Variants in ZNF521 observed in about 807,000 individuals in gnomAD.
The protein encoded by ZNF521 is zinc finger protein 521.
ZNF521 carries 14 observed loss-of-function variants against 105.5 expected under a neutral mutation model. The observed-to-expected ratio is 0.13, with a 90% CI of 0.09 to 0.21. The LOEUF is 0.21. Ranked by LOEUF, ZNF521 falls within the 10% of genes least tolerant of loss-of-function variation. The pLI, the probability that ZNF521 is intolerant of heterozygous loss-of-function variation, is 1.00. For missense variants in ZNF521, 1,233 were observed against 1,629.7 expected, an observed-to-expected ratio of 0.76 and a Z score of 4.19; for synonymous variants, 635 against 606.0, an observed-to-expected ratio of 1.05 and a Z score of -0.70.
chr18:25,337,541 C>T (rs1193044361), intron 2 of ZNF521, among the ~76,000 whole-genome samples: 1 of 152,132 alleles, frequency 6.6e-6, no homozygotes, highest in African/African-American at 2.4e-5. Context: ...GCTCAATCTA[C>T]CTCATAATTA....
At position 25,224,457 on chromosome 18, in the gene ZNF521, T is replaced by C. The variant is rs1178025972; in HGVS notation, c.3461A>G (p.Gln1154Arg). 150 of 1,613,732 alleles carry C rather than the reference T, an allele frequency of 9.3e-5. No individual in the cohort carries two copies. The highest frequency in any genetic ancestry group is 1.3e-4 in the Non-Finnish European group (149 of 1,179,938). Reference sequence around the variant, plus strand: ...TCGGTGGATGGTTTGGATGTGGTTCTGGAGTTCACTTTCAGACTCAAACTT... The same window carrying C: ...TCGGTGGATGGTTTGGATGTGGTTCCGGAGTTCACTTTCAGACTCAAACTT... Reference protein sequence around the residue: ...NVKFESESELQNHIQTIHREL... With the variant: ...NVKFESESELRNHIQTIHREL... The change falls in exon 4 of 8, where the codon CAG (glutamine) becomes CGG (arginine). Residue 1154 changes from glutamine to arginine, a missense_variant. By Grantham distance (43) the Gln-to-Arg change is conservative (BLOSUM62 1). Transcript: ENST00000361524.
intron 2 of ZNF521, among the ~76,000 whole-genome samples, chr18:25,336,093 T>G (rs538210646): frequency 6.6e-6 from 1 of 152,098 alleles, no homozygotes; most frequent in Non-Finnish European, 1.5e-5. Flanking sequence ...CAAATAAAAT[T>G]AAAGCACCGG....
intron 5 of ZNF521, among the ~76,000 whole-genome samples, chr18:25,097,845 G>A (rs1162047800): frequency 6.6e-6 from 1 of 152,166 alleles, no homozygotes; most frequent in African/African-American, 2.4e-5. Context: ...AATGCTTTTG[G>A]ACTTTATAAG....
At chr18:25,240,771 C>T (rs568487848) in intron 3 of ZNF521, among the ~76,000 whole-genome samples, 10 of 152,040 alleles carry the variant, frequency 6.6e-5, no homozygotes, top group African/African-American at 2.4e-4. Context: ...ATAGAGGGTA[C>T]AGGCTGGGTT....
chr18:25,213,966 A>G (rs1398718842), intron 4 of ZNF521, among the ~76,000 whole-genome samples: 1 of 151,970 alleles, frequency 6.6e-6, no homozygotes, highest in Non-Finnish European at 1.5e-5. Context: ...TTTTTGTAAA[A>G]TTTTAATTGG....
At chr18:25,092,149 T>C in intron 5 of ZNF521, 68 bp from the exon 6 acceptor site, 2 of 1,572,208 alleles carry the variant, frequency 1.3e-6, no homozygotes, top group Non-Finnish European at 1.7e-6. Context: ...TAGAGAGTTA[T>C]CTTTAATTGC....
chr18:25,154,365 T>C (rs2035104524), intron 5 of ZNF521, among the ~76,000 whole-genome samples: 1 of 152,170 alleles, frequency 6.6e-6, no homozygotes. Context: ...TGACATGAAA[T>C]GTGGACAAAA....
At chr18:25,287,186 G>A (rs566439051) in intron 3 of ZNF521, among the ~76,000 whole-genome samples, 1 of 152,294 alleles carries the variant, frequency 6.6e-6, no homozygotes, top group South Asian at 2.1e-4. Flanking sequence ...ACACTCCTGG[G>A]GGGCCTGGTC....
intron 5 of ZNF521, among the ~76,000 whole-genome samples, chr18:25,161,291 C>T (rs1402931117): frequency 6.6e-6 from 1 of 152,070 alleles, no homozygotes; most frequent in African/African-American, 2.4e-5. Flanking sequence ...TTTCCTTCAA[C>T]ATGAAGGATT....
intron 3 of ZNF521, chr18:25,231,342 G>C (rs1204272421): frequency 1.3e-5 from 2 of 152,288 alleles, no homozygotes; most frequent in Non-Finnish European, 2.9e-5. Flanking sequence ...AGGACAGCTG[G>C]AAACTCAGTT....
intron 7 of ZNF521, among the ~76,000 whole-genome samples, chr18:25,075,357 G>A (rs1214839328): frequency 6.6e-6 from 1 of 152,244 alleles, no homozygotes; most frequent in Non-Finnish European, 1.5e-5. Flanking sequence ...CCAGAGAGTT[G>A]TTAGCTCAGA....
intron 5 of ZNF521, among the ~76,000 whole-genome samples, chr18:25,142,390 C>A (rs914645389): frequency 6.6e-6 from 1 of 152,022 alleles, no homozygotes; most frequent in African/African-American, 2.4e-5. Context: ...TGTCTAGATT[C>A]AAAAATGGCT....
chr18:25,066,016 T>C (rs1251180460), intron 7 of ZNF521, among the ~76,000 whole-genome samples: 3 of 152,068 alleles, frequency 2.0e-5, no homozygotes, highest in Non-Finnish European at 4.4e-5. Flanking sequence ...GCTTGTGAAA[T>C]TCAAAAATAA....
chr18:25,195,046 G>A (rs890109775), intron 5 of ZNF521, 114 bp downstream of exon 5: 13 of 846,452 alleles, frequency 1.5e-5, no homozygotes, highest in Non-Finnish European at 2.3e-5. Flanking sequence ...AATCAATCAT[G>A]CCGAGGAAAA....
intron 5 of ZNF521, among the ~76,000 whole-genome samples, chr18:25,100,003 T>C (rs1555633934): frequency 6.6e-6 from 1 of 152,126 alleles, no homozygotes; most frequent in Non-Finnish European, 1.5e-5. Context: ...ACAAGCCATG[T>C]GCTGGACACG....
intron 5 of ZNF521, among the ~76,000 whole-genome samples, chr18:25,113,761 GAC>G (rs10667710): frequency 5.8e-4 from 59 of 101,740 alleles, no homozygotes; most frequent in Admixed American, 2.0e-3. Context: ...AGGACGGACG[GAC>G]ACACACACAC....
At chr18:25,211,974 T>C (rs1213610813) in intron 4 of ZNF521, among the ~76,000 whole-genome samples, 1 of 152,192 alleles carries the variant, frequency 6.6e-6, no homozygotes, top group African/African-American at 2.4e-5. Context: ...GCAAAGGCAG[T>C]TCTATTCTAC....
chr18:25,199,344 T>C (rs2144647962), intron 4 of ZNF521, among the ~76,000 whole-genome samples: 1 of 151,706 alleles, frequency 6.6e-6, no homozygotes, highest in Non-Finnish European at 1.5e-5. Flanking sequence ...TGAGCAAATG[T>C]AATGTGTGGA....
chr18:25,248,196 G>A (rs1907861231), intron 3 of ZNF521, among the ~76,000 whole-genome samples: 1 of 152,148 alleles, frequency 6.6e-6, no homozygotes, highest in Non-Finnish European at 1.5e-5. Context: ...TATTTTGGCT[G>A]GGTTAGAACA....
Sources: allele counts gnomAD v4.1 joint callset (sites outside exome capture counted in the v4.1 genomes callset), GRCh38; gene constraint gnomAD v4.1.1; transcripts MANE v1.5; gene names NCBI Gene and HGNC (gene_info 2026-07-23, HGNC 2026-07-21).